Variants in DTNA observed in about 807,000 individuals in gnomAD.
DTNA encodes the protein dystrophin-related protein 3.
A neutral mutation model predicts 100.7 loss-of-function variants in DTNA; 43 were observed. The observed-to-expected ratio is 0.43, with a 90% CI of 0.33 to 0.55. DTNA has a LOEUF of 0.55. Among genes scored for constraint, DTNA ranks in the 20% least tolerant of loss-of-function variants. The probability of loss-of-function intolerance (pLI) is 0.04; values close to 1 mark genes in which losing one functional copy is unlikely to be tolerated. For synonymous variants in DTNA, 349 were observed against 347.9 expected (o/e 1.00, Z -0.04); for missense variants, 798 against 953.9 (o/e 0.84, Z 2.15).
intron 2 of DTNA, among the ~76,000 whole-genome samples, chr18:34,761,321 C>T (rs1387491151): frequency 5.3e-5 from 8 of 152,070 alleles, no homozygotes; most frequent in Admixed American, 5.2e-4. Flanking sequence ...TCAAAAATGG[C>T]TATATAATGA....
chr18:34,529,959 G>A (rs1359528953), intron 1 of DTNA, among the ~76,000 whole-genome samples: 1 of 152,122 alleles, frequency 6.6e-6, no homozygotes, highest in African/African-American at 2.4e-5. Context: ...TTTAATAAAT[G>A]CAACTACCAG....
chr18:34,823,505 A>T (rs1568653693), intron 9 of DTNA, among the ~76,000 whole-genome samples: 1 of 152,194 alleles, frequency 6.6e-6, no homozygotes, highest in Non-Finnish European at 1.5e-5. Context: ...CCCAAATATG[A>T]CTTAAATTAT....
rs1322153487 is a variant in DTNA at position 34,890,233 on chromosome 18, C to G, written c.*2499C>G. Reference sequence around the variant, plus strand: ...TTGATATCGTCATATAAAGCCATTGCAAGGACTCTGGAAACTGCCGCCAAT... The same window carrying G: ...TTGATATCGTCATATAAAGCCATTGGAAGGACTCTGGAAACTGCCGCCAAT... On this transcript the variant is annotated 3_prime_UTR_variant, in exon 23 of 23. Coordinates refer to ENST00000444659, the MANE Select transcript of DTNA (RefSeq NM_001386795.1). 2.0e-6 allele frequency: 3 copies of G among 1,497,930 alleles called. No individual in the cohort carries two copies. The highest frequency in any genetic ancestry group is 2.7e-6 in the Non-Finnish European group (3 of 1,128,846). 92.8% of individuals were successfully genotyped at this position (1,497,930 alleles called of 1,614,324 possible). A position where few individuals can be genotyped will look rare whatever the true frequency, so the allele number is the denominator to read the frequency against.
At chr18:34,617,187 G>A (rs71363457) in intron 1 of DTNA, among the ~76,000 whole-genome samples, 9,899 of 152,076 alleles carry the variant, frequency 0.065, 389 homozygotes, top group Non-Finnish European at 0.074. Context: ...GTGGGCATCC[G>A]TGTCTTCTTC....
At chr18:34,820,939 A>G in intron 9 of DTNA, 24 bp downstream of exon 9, 2 of 1,609,506 alleles carry the variant, frequency 1.2e-6, no homozygotes, top group Non-Finnish European at 1.7e-6. Context: ...CCCTCCCAGT[A>G]TAGAGACAAT....
chr18:34,848,268 G>T (rs377041786), intron 13 of DTNA, 28 bp from the exon 14 acceptor site: 18 of 1,610,530 alleles, frequency 1.1e-5, no homozygotes, highest in Middle Eastern at 1.6e-4. Context: ...GTTGCCTAAC[G>T]GTCTCCTTCT....
intron 1 of DTNA, among the ~76,000 whole-genome samples, chr18:34,703,539 A>G (rs1431129571): frequency 6.6e-6 from 1 of 152,008 alleles, no homozygotes; most frequent in East Asian, 1.9e-4. Context: ...TTCACATGTC[A>G]CTATGAGGCT....
intron 1 of DTNA, among the ~76,000 whole-genome samples, chr18:34,714,548 C>A (rs1600681030): frequency 6.7e-6 from 1 of 149,360 alleles, no homozygotes; most frequent in East Asian, 2.0e-4. Context: ...CATCTCACAC[C>A]AGTTAGAATG....
At chr18:34,577,751 G>A (rs1285448070) in intron 1 of DTNA, among the ~76,000 whole-genome samples, 2 of 152,126 alleles carry the variant, frequency 1.3e-5, no homozygotes, top group Non-Finnish European at 2.9e-5. Context: ...CCAGGTTACT[G>A]CGAATGCCAT....
At chr18:34,711,295 C>A (rs1161480723) in intron 1 of DTNA, among the ~76,000 whole-genome samples, 1 of 152,120 alleles carries the variant, frequency 6.6e-6, no homozygotes, top group Non-Finnish European at 1.5e-5. Flanking sequence ...AGAACAATTT[C>A]TTTAATAATA....
intron 1 of DTNA, among the ~76,000 whole-genome samples, chr18:34,617,084 C>A (rs2055450326): frequency 6.6e-6 from 1 of 152,088 alleles, no homozygotes; most frequent in African/African-American, 2.4e-5. Context: ...AGTTTGACTT[C>A]CTCTCTTTCT....
At chr18:34,796,668 G>C (rs577832264) in intron 4 of DTNA, among the ~76,000 whole-genome samples, 28 of 152,266 alleles carry the variant, frequency 1.8e-4, no homozygotes, top group African/African-American at 5.1e-4. Context: ...AGACTCTGAA[G>C]AAGAGTTGCT....
intron 1 of DTNA, among the ~76,000 whole-genome samples, chr18:34,620,697 G>A (rs897829009): frequency 1.3e-5 from 2 of 152,062 alleles, no homozygotes; most frequent in Non-Finnish European, 1.5e-5. Context: ...GAGCAGGGAG[G>A]TGCCCTACAC....
intron 17 of DTNA, chr18:34,867,359 A>G: frequency 6.5e-6 from 8 of 1,229,906 alleles, no homozygotes; most frequent in Non-Finnish European, 8.1e-6. Context: ...TGTGAAAAAA[A>G]TTACTTTACT....
intron 10 of DTNA, among the ~76,000 whole-genome samples, chr18:34,828,013 G>C (rs1256751114): frequency 6.6e-6 from 1 of 152,096 alleles, no homozygotes; most frequent in Non-Finnish European, 1.5e-5. Context: ...TCAAAGAACT[G>C]GAATTTCAGG....
rs71166022 is a variant in DTNA, at chr18:34,722,606, TAC to T, written c.-2+12185_-2+12186del. ...ATAGGTTTTGACATATATATATACATACACACACACACACACACACACACATA... is the reference window on the plus strand; with the variant it reads ...ATAGGTTTTGACATATATATATACATACACACACACACACACACACACATA... On this transcript the variant is annotated intron_variant, in intron 1 of 22. Coordinates refer to ENST00000444659, the MANE Select transcript of DTNA (RefSeq NM_001386795.1). 9.0e-3 allele frequency among the ~76,000 whole-genome samples: 1,322 copies of T among 146,740 alleles called. 13 individuals are homozygous for T. Among genetic ancestry groups the T allele is most frequent in the African/African-American group, 0.026 (1,037 of 40,290 alleles).
intron 1 of DTNA, among the ~76,000 whole-genome samples, chr18:34,684,285 C>T (rs2078547161): frequency 6.6e-6 from 1 of 151,374 alleles, no homozygotes; most frequent in Non-Finnish European, 1.5e-5. Context: ...TCTCCTAATG[C>T]TATCCCTCCC....
At chr18:34,859,147 A>C (rs1251159454) in intron 16 of DTNA, among the ~76,000 whole-genome samples, 1 of 152,232 alleles carries the variant, frequency 6.6e-6, no homozygotes, top group Non-Finnish European at 1.5e-5. Context: ...ATAAAAGCCT[A>C]GTCTTCTTTA....
At chr18:34,784,853 T>G (rs1272664393) in intron 3 of DTNA, among the ~76,000 whole-genome samples, 1 of 152,200 alleles carries the variant, frequency 6.6e-6, no homozygotes, top group Non-Finnish European at 1.5e-5. Context: ...TCTGTGTGTA[T>G]ATGCATATGG....
Sources: allele counts gnomAD v4.1 joint callset (sites outside exome capture counted in the v4.1 genomes callset), GRCh38; gene constraint gnomAD v4.1.1; transcripts MANE v1.5; gene names NCBI Gene and HGNC (gene_info 2026-07-23, HGNC 2026-07-21).